PRELID2: variants seen among roughly 807,000 people sequenced by gnomAD.
PRELID2 encodes PRELI domain-containing protein 2.
Under a neutral mutation model 28.4 loss-of-function variants are expected in PRELID2, and 25 were observed. The ratio of observed to expected loss-of-function variants is 0.88; its 90% CI spans 0.64 to 1.23. The LOEUF (loss-of-function observed/expected upper bound fraction) is 1.23. Among genes scored for constraint, PRELID2 ranks in the 50% most tolerant of loss-of-function variants. The pLI, the probability that PRELID2 is intolerant of heterozygous loss-of-function variation, is 0.00. For synonymous variants in PRELID2, 76 were observed against 71.6 expected, an observed-to-expected ratio of 1.06 and a Z score of -0.31; for missense variants, 201 against 214.4, an observed-to-expected ratio of 0.94 and a Z score of 0.39.
chr5:145,486,789 C>T (rs142950787), intron 1 of PRELID2, among the ~76,000 whole-genome samples: 32 of 152,056 alleles, frequency 2.1e-4, no homozygotes, highest in African/African-American at 7.5e-4. Context: ...GACACATGCA[C>T]ATGTATGTTT....
intron 1 of PRELID2, among the ~76,000 whole-genome samples, chr5:145,727,909 C>T (rs1260056754): frequency 2.0e-5 from 3 of 152,170 alleles, no homozygotes. Flanking sequence ...GTAACATTTC[C>T]TATTGCTAGC....
intron 1 of PRELID2, among the ~76,000 whole-genome samples, chr5:145,558,899 C>T (rs1187208169): frequency 1.3e-5 from 2 of 152,008 alleles, no homozygotes; most frequent in African/African-American, 4.8e-5. Flanking sequence ...TCCAGCAAAC[C>T]AACTCCTAAG....
chr5:145,500,553 A>T (rs1393436581), intron 1 of PRELID2, among the ~76,000 whole-genome samples: 13 of 152,192 alleles, frequency 8.5e-5, no homozygotes, highest in Admixed American at 8.5e-4. Flanking sequence ...CCAGAAAAAA[A>T]ATCTGAGCTG....
chr5:145,600,451 A>ATATATATATATATATATATATG (rs1328695707), intron 1 of PRELID2, among the ~76,000 whole-genome samples: 25 of 138,344 alleles, frequency 1.8e-4, no homozygotes, highest in African/African-American at 7.4e-4. Context: ...ATATATATAT[A>ATATATATATATATATATATATG]TATGTATCTC....
the PRELID2 span, among the ~76,000 whole-genome samples, chr5:145,314,449 A>C: frequency 6.6e-6 from 1 of 152,198 alleles, no homozygotes; most frequent in Admixed American, 6.5e-5. Flanking sequence ...AATCTCTTAC[A>C]GTTATTTATT....
chr5:145,784,603 A>G (rs893535130), intron 5 of PRELID2, among the ~76,000 whole-genome samples: 5 of 152,216 alleles, frequency 3.3e-5, no homozygotes, highest in African/African-American at 1.2e-4. Context: ...ATATTCAAAA[A>G]TTTATTCCAA....
the PRELID2 span, among the ~76,000 whole-genome samples, chr5:145,256,689 T>C: frequency 1.3e-5 from 2 of 151,866 alleles, no homozygotes; most frequent in Non-Finnish European, 2.9e-5. Flanking sequence ...AAGCAGATAA[T>C]TATAAAAACA....
chr5:145,596,099 CAAA>C (rs552746530), intron 1 of PRELID2, among the ~76,000 whole-genome samples: 2 of 43,972 alleles, frequency 4.5e-5, no homozygotes, highest in Admixed American at 2.5e-4. Flanking sequence ...GAGCCTGTCT[CAAA>C]AAAAAAAAAA....
the PRELID2 span, among the ~76,000 whole-genome samples, chr5:145,333,081 T>G: frequency 6.6e-6 from 1 of 152,230 alleles, no homozygotes; most frequent in Admixed American, 6.5e-5. Flanking sequence ...ACTGTTTGCC[T>G]GGGTATCACC....
At chr5:145,332,382 TC>T in the PRELID2 span, among the ~76,000 whole-genome samples, 1 of 152,170 alleles carries the variant, frequency 6.6e-6, no homozygotes, top group Admixed American at 6.5e-5. Flanking sequence ...ATTCCATTCT[TC>T]CCATCACTTT....
At chr5:145,476,701 T>C (rs761070098) in intron 1 of PRELID2, among the ~76,000 whole-genome samples, 9 of 152,140 alleles carry the variant, frequency 5.9e-5, no homozygotes, top group Non-Finnish European at 1.0e-4. Context: ...AGTATGAGAC[T>C]TGCAATTTTA....
chr5:145,627,097 CAAAAAAAAAAAAA>C (rs745309247), intron 1 of PRELID2, among the ~76,000 whole-genome samples: 26 of 41,804 alleles, frequency 6.2e-4, no homozygotes, highest in South Asian at 1.2e-3. Context: ...AAGACTCTCC[CAAAAAAAAAAAAA>C]AAAAAAAAAA....
the PRELID2 span, among the ~76,000 whole-genome samples, chr5:145,271,498 G>C: frequency 6.6e-6 from 1 of 152,092 alleles, no homozygotes; most frequent in East Asian, 1.9e-4. Context: ...TTATAGGTGA[G>C]CCCCCATACT....
rs530237218 is a variant in PRELID2 at position 145,667,955 on chromosome 5, G to GA, written n.70+96975dup. ...CAGTGAGTTCGGGTAGAGACAAAAA[G>GA]AAAAAAACAAGTATTTCAGGCTTGA... On this transcript the variant is annotated intron_variant and non_coding_transcript_variant, in intron 1 of 2. Coordinates refer to the PRELID2 transcript ENST00000510259. 1.6e-3 allele frequency among the ~76,000 whole-genome samples: 237 copies of GA among 152,014 alleles called. 1 individual carries two copies. The highest frequency in any genetic ancestry group is 2.9e-3 in the Non-Finnish European group (195 of 67,928).
intron 1 of PRELID2, among the ~76,000 whole-genome samples, chr5:145,506,050 C>CT (rs1278877947): frequency 1.3e-5 from 2 of 152,056 alleles, no homozygotes; most frequent in Non-Finnish European, 2.9e-5. Context: ...AACATTGTGC[C>CT]TATAGATAAC....
intron 1 of PRELID2, among the ~76,000 whole-genome samples, chr5:145,657,230 A>T (rs1216051052): frequency 6.6e-6 from 1 of 152,230 alleles, no homozygotes; most frequent in Admixed American, 6.5e-5. Flanking sequence ...ATTCTGGTAC[A>T]TAATTACACT....
chr5:145,248,987 T>C, the PRELID2 span, among the ~76,000 whole-genome samples: 1 of 152,164 alleles, frequency 6.6e-6, no homozygotes, highest in African/African-American at 2.4e-5. Flanking sequence ...GTTTCACTTA[T>C]ATAACCTCAA....
At chr5:145,237,314 T>C in the PRELID2 span, among the ~76,000 whole-genome samples, 4 of 152,158 alleles carry the variant, frequency 2.6e-5, no homozygotes, top group Non-Finnish European at 4.4e-5. Flanking sequence ...GACAGCTCTT[T>C]AGATTTCATT....
At chr5:145,581,613 A>G (rs1753108460) in intron 1 of PRELID2, among the ~76,000 whole-genome samples, 1 of 152,022 alleles carries the variant, frequency 6.6e-6, no homozygotes, top group South Asian at 2.1e-4. Flanking sequence ...AATTCCATCC[A>G]TGTGAACATT....
Sources: allele counts gnomAD v4.1 joint callset (sites outside exome capture counted in the v4.1 genomes callset), GRCh38; gene constraint gnomAD v4.1.1; transcripts MANE v1.5; gene names NCBI Gene and HGNC (gene_info 2026-07-23, HGNC 2026-07-21).